CUBN: variants seen among roughly 807,000 people sequenced by gnomAD.
CUBN encodes the protein cubilin.
In CUBN, 282 loss-of-function variants were observed where a neutral mutation model predicts 405.3. That is an observed-to-expected ratio of 0.70 (90% CI 0.63 to 0.77). CUBN has a LOEUF of 0.77. CUBN is among the 30% of genes least tolerant of loss of function. The pLI is 0.00. For missense variants in CUBN, 4,514 were observed against 4,475.2 expected (o/e 1.01, Z -0.25); for synonymous variants, 1,684 against 1,617.0 (o/e 1.04, Z -0.99).
chr10:16,937,986 A>T (rs1305242034), intron 38 of CUBN, among the ~76,000 whole-genome samples: 1 of 152,214 alleles, frequency 6.6e-6, no homozygotes. Flanking sequence ...TTTTGAAAAC[A>T]TTTGCATCTT....
At chr10:16,855,339 C>T (rs1313380228) in intron 59 of CUBN, among the ~76,000 whole-genome samples, 3 of 152,004 alleles carry the variant, frequency 2.0e-5, no homozygotes, top group African/African-American at 7.3e-5. Flanking sequence ...AGGCTTAGCC[C>T]TACGACTTGC....
intron 54 of CUBN, among the ~76,000 whole-genome samples, chr10:16,894,023 G>T (rs1463149333): frequency 6.6e-6 from 1 of 152,082 alleles, no homozygotes; most frequent in African/African-American, 2.4e-5. Context: ...CATCTGTAGA[G>T]TCTCTTTGGT....
chr10:16,828,924 C>A lies in CUBN; in HGVS notation c.10645G>T (p.Val3549Phe). The A allele has an allele frequency of 6.2e-7, 1 of 1,614,122 alleles. No individual in the cohort carries two copies. The highest frequency in any genetic ancestry group is 8.5e-7 in the Non-Finnish European group (1 of 1,180,020). The change falls in exon 66 of 67, where the codon GTC (valine) becomes TTC (phenylalanine). Residue 3549 changes from valine to phenylalanine, a missense_variant. Physicochemically the swap from Val to Phe is conservative, Grantham distance 50. Coordinates refer to ENST00000377833, the MANE Select transcript of CUBN (RefSeq NM_001081.4). ...WVLVAPAGRL[V>F]TINFYFISID... ...CTGATGAAGTAGAAGTTGATGGTGACAAGCCTTCCAGCAGGAGCAACAAGG... is the reference window on the plus strand; with the variant it reads ...CTGATGAAGTAGAAGTTGATGGTGAAAAGCCTTCCAGCAGGAGCAACAAGG...
chr10:16,877,164 A>G (rs1357596364), intron 56 of CUBN, 67 bp from the exon 57 acceptor site: 1 of 1,377,172 alleles, frequency 7.3e-7, no homozygotes, highest in Non-Finnish European at 1.0e-6. Flanking sequence ...CCATAAAAAT[A>G]AAAACAAAAA....
intron 29 of CUBN, among the ~76,000 whole-genome samples, chr10:16,986,444 A>G (rs1158759475): frequency 1.3e-5 from 2 of 152,130 alleles, no homozygotes; most frequent in Non-Finnish European, 2.9e-5. Flanking sequence ...TTGAATCTAT[A>G]ATGATTTCTT....
chr10:17,116,942 T>A (rs1230884026), intron 6 of CUBN, among the ~76,000 whole-genome samples: 3 of 150,936 alleles, frequency 2.0e-5, no homozygotes, highest in Non-Finnish European at 4.4e-5. Flanking sequence ...AAATGAATAT[T>A]TTTTGGTATA....
At chr10:16,992,352 G>C (rs921272897) in intron 28 of CUBN, among the ~76,000 whole-genome samples, 2 of 152,060 alleles carry the variant, frequency 1.3e-5, no homozygotes, top group African/African-American at 4.8e-5. Context: ...TGACAAACCT[G>C]CACATTGTGC....
intron 48 of CUBN, among the ~76,000 whole-genome samples, chr10:16,911,499 T>C (rs1280449600): frequency 6.6e-6 from 1 of 152,186 alleles, no homozygotes; most frequent in Non-Finnish European, 1.5e-5. Flanking sequence ...TTAGAAATAA[T>C]GACATAAAAC....
chr10:16,844,022 C>T (rs954734626), intron 60 of CUBN, among the ~76,000 whole-genome samples: 1 of 152,046 alleles, frequency 6.6e-6, no homozygotes, highest in Admixed American at 6.6e-5. Context: ...GTAATCCCAG[C>T]ACTTTGGGAG....
intron 59 of CUBN, among the ~76,000 whole-genome samples, chr10:16,860,816 T>C (rs990132209): frequency 1.3e-5 from 2 of 152,254 alleles, no homozygotes; most frequent in Admixed American, 1.3e-4. Context: ...CCACTGCTCT[T>C]ATCATCCCAT....
At chr10:16,975,531 G>A (rs984809711) in intron 31 of CUBN, among the ~76,000 whole-genome samples, 2 of 151,946 alleles carry the variant, frequency 1.3e-5, no homozygotes, top group African/African-American at 2.4e-5. Context: ...CCATGCAGAC[G>A]AGGGAGGAAA....
At chr10:17,038,448 G>T (rs1191073172) in intron 27 of CUBN, among the ~76,000 whole-genome samples, 1 of 152,178 alleles carries the variant, frequency 6.6e-6, no homozygotes, top group African/African-American at 2.4e-5. Context: ...TTTGCCCAGA[G>T]GGTGAAATAA....
intron 48 of CUBN, among the ~76,000 whole-genome samples, chr10:16,908,721 G>A (rs1841631319): frequency 6.6e-6 from 1 of 152,088 alleles, no homozygotes; most frequent in Admixed American, 6.5e-5. Flanking sequence ...AAATCTAGAT[G>A]AAATAACTGA....
chr10:16,854,795 C>T (rs1839820124), intron 59 of CUBN, among the ~76,000 whole-genome samples: 1 of 152,144 alleles, frequency 6.6e-6, no homozygotes, highest in Non-Finnish European at 1.5e-5. Flanking sequence ...ACTGCTATGA[C>T]TAATGCCATA....
Position 17,084,315 on chromosome 10 carries a change from C to G in CUBN, c.2257G>C (p.Val753Leu). The change falls in exon 17 of 67, where the codon GTG (valine) becomes CTG (leucine). Residue 753 changes from valine to leucine, a missense_variant. Physicochemically the swap from Val to Leu is conservative, Grantham distance 32. Coordinates refer to ENST00000377833, the MANE Select transcript of CUBN (RefSeq NM_001081.4). ...GEQIQINFTH[V>L]ELQCQSDSSQ... ...CTGTCACTCTGGCATTGCAGCTCCACGTGGGTGAAGTTGATTTGTATTTGT... is the reference window on the plus strand; with the variant it reads ...CTGTCACTCTGGCATTGCAGCTCCAGGTGGGTGAAGTTGATTTGTATTTGT... 2 of 1,614,110 alleles carry G rather than the reference C, an allele frequency of 1.2e-6. No homozygotes were observed. Among genetic ancestry groups the G allele is most frequent in the Non-Finnish European group, 8.5e-7 (1 of 1,180,022 alleles).
chr10:17,088,416 T>G, intron 14 of CUBN, 71 bp from the exon 15 acceptor site: 1 of 1,363,424 alleles, frequency 7.3e-7, no homozygotes, highest in Non-Finnish European at 1.0e-6. Context: ...ATCAGAGCCC[T>G]TGGCGTAAGA....
intron 40 of CUBN, among the ~76,000 whole-genome samples, chr10:16,930,593 C>A (rs903876781): frequency 5.9e-5 from 9 of 152,094 alleles, no homozygotes; most frequent in Admixed American, 2.6e-4. Flanking sequence ...TTGCTAGGAC[C>A]AATGTAGTTT....
At chr10:17,062,911 C>T (rs1835532385) in intron 22 of CUBN, among the ~76,000 whole-genome samples, 1 of 152,180 alleles carries the variant, frequency 6.6e-6, no homozygotes, top group Admixed American at 6.5e-5. Context: ...TGATGCTTTT[C>T]CCTGATGCTA....
chr10:17,115,627 G>C, intron 6 of CUBN, 30 bp from the exon 7 acceptor site: 3 of 1,613,828 alleles, frequency 1.9e-6, no homozygotes, highest in Non-Finnish European at 2.5e-6. Context: ...ACAATGTCAG[G>C]GCACGCGCTT....
Sources: allele counts gnomAD v4.1 joint callset (sites outside exome capture counted in the v4.1 genomes callset), GRCh38; gene constraint gnomAD v4.1.1; transcripts MANE v1.5; gene names NCBI Gene and HGNC (gene_info 2026-07-23, HGNC 2026-07-21).